PCDHGB2: variants seen among roughly 807,000 people sequenced by gnomAD.
The protein encoded by PCDHGB2 is protocadherin gamma subfamily B, 2.
Under a neutral mutation model 59.3 loss-of-function variants are expected in PCDHGB2, and 55 were observed. The ratio of observed to expected loss-of-function variants is 0.93; its 90% CI spans 0.75 to 1.16. PCDHGB2 has a LOEUF of 1.16. Ranked by LOEUF, PCDHGB2 falls within the 50% of genes most tolerant of loss-of-function variation. PCDHGB2 has a pLI of 0.00. For missense variants in PCDHGB2, 1,228 were observed against 1,198.5 expected (o/e 1.02, Z -0.36); for synonymous variants, 516 against 512.0 (o/e 1.01, Z -0.11).
chr5:141,370,990 C>T (rs763809323), intron 1 of PCDHGB2: 3 of 1,613,826 alleles, frequency 1.9e-6, no homozygotes, highest in Admixed American at 1.7e-5. Flanking sequence ...CTGAAAGCAC[C>T]CCTGGACAGG....
At chr5:141,383,028 CT>C (rs1561593940) in intron 1 of PCDHGB2, 2 of 1,613,814 alleles carry the variant, frequency 1.2e-6, no homozygotes, top group Non-Finnish European at 1.7e-6. Context: ...ACAAAGGGTC[CT>C]TTGTGGGAGA....
intron 1 of PCDHGB2, chr5:141,398,829 C>T (rs1020690994): frequency 3.1e-6 from 5 of 1,613,876 alleles, no homozygotes; most frequent in African/African-American, 2.7e-5. Context: ...AGGTAACCGA[C>T]GCCAATGATA....
chr5:141,394,915 CCT>C, intron 1 of PCDHGB2: 1 of 1,613,774 alleles, frequency 6.2e-7, no homozygotes, highest in South Asian at 1.1e-5. Flanking sequence ...GCTGCCATCT[CCT>C]GTGTCTTCCT....
At chr5:141,399,080 G>A (rs1385144710) in intron 1 of PCDHGB2, 2 of 1,613,696 alleles carry the variant, frequency 1.2e-6, no homozygotes, top group Non-Finnish European at 1.7e-6. Flanking sequence ...GTAGAAGGGA[G>A]GGATGGTGGT....
chr5:141,474,358 C>A (rs189724264), intron 1 of PCDHGB2, among the ~76,000 whole-genome samples: 30 of 152,290 alleles, frequency 2.0e-4, no homozygotes, highest in African/African-American at 6.5e-4. Context: ...AGTCATGTCT[C>A]AGTAGGTCTA....
intron 1 of PCDHGB2, chr5:141,383,374 G>A (rs911594122): frequency 6.2e-7 from 1 of 1,614,028 alleles, no homozygotes; most frequent in Non-Finnish European, 8.5e-7. Flanking sequence ...CGAGGCTGGG[G>A]ATCCAGATGT....
intron 1 of PCDHGB2, among the ~76,000 whole-genome samples, chr5:141,445,871 T>C (rs1318495005): frequency 6.6e-6 from 1 of 152,198 alleles, no homozygotes; most frequent in Non-Finnish European, 1.5e-5. Context: ...TTGTTCTAAA[T>C]ACCCTTGTAC....
chr5:141,509,645 G>C (rs138497208), intron 3 of PCDHGB2, among the ~76,000 whole-genome samples: 8 of 152,338 alleles, frequency 5.3e-5, no homozygotes, highest in African/African-American at 1.9e-4. Context: ...GCCAGGGCCA[G>C]AGTGTGGACT....
rs771313271 is a variant in PCDHGB2 at position 141,477,861 on chromosome 5, G to C, written c.2422-16946G>C. 1.2e-6 allele frequency: 2 copies of C among 1,612,714 alleles called. No individual in the cohort carries two copies. Among genetic ancestry groups the C allele is most frequent in the South Asian group, 1.1e-5 (1 of 90,968 alleles). On this transcript the variant is annotated intron_variant, in intron 1 of 3. Transcript: ENST00000522605. The surrounding 1 kb of genome is among the most constrained non-coding windows in gnomAD (Gnocchi z 4.9). ...GGGAGCTCGGTGGAGATGCTGCCTC[G>C]AGGTACCTCAGCTGGCCACCTAGTG...
At chr5:141,405,767 T>C (rs957910070) in intron 1 of PCDHGB2, among the ~76,000 whole-genome samples, 2 of 152,128 alleles carry the variant, frequency 1.3e-5, no homozygotes, top group African/African-American at 4.8e-5. Flanking sequence ...CGTGAGCCAC[T>C]GCGCCTGGCC....
rs1161697588 is a variant in PCDHGB2, at chr5:141,491,464, T to C, written c.2422-3343T>C. 7 of 1,613,982 alleles carry C rather than the reference T, an allele frequency of 4.3e-6. No homozygotes were observed. In the African/African-American group the frequency reaches 9.3e-5, roughly 22 times the overall value. On this transcript the variant is annotated intron_variant, in intron 1 of 3. Transcript: ENST00000522605. This position sits in a 1 kb window ranked among gnomAD's most constrained non-coding sequence, Gnocchi z 6.9. ...CCAGGACTCACCCTCCCCGGACTTCTATAAGCAGTCCAGCCCCAACCTGCA... is the reference window on the plus strand; with the variant it reads ...CCAGGACTCACCCTCCCCGGACTTCCATAAGCAGTCCAGCCCCAACCTGCA...
chr5:141,366,754 T>G (rs752520997), intron 1 of PCDHGB2: 1 of 1,607,154 alleles, frequency 6.2e-7, no homozygotes. Context: ...GAGTTCAGGT[T>G]AGTTTTCTCT....
chr5:141,388,254 G>A, intron 1 of PCDHGB2: 2 of 1,568,962 alleles, frequency 1.3e-6, no homozygotes, highest in South Asian at 1.1e-5. Context: ...TGTGGAGATC[G>A]AGGACATTAA....
At chr5:141,482,606 T>G (rs2099569173) in intron 1 of PCDHGB2, among the ~76,000 whole-genome samples, 1 of 146,712 alleles carries the variant, frequency 6.8e-6, no homozygotes, top group African/African-American at 2.6e-5. Context: ...AAAAAACACC[T>G]AAATGAGCCT....
chr5:141,482,546 A>C (rs1489817593), intron 1 of PCDHGB2, among the ~76,000 whole-genome samples: 1 of 151,868 alleles, frequency 6.6e-6, no homozygotes, highest in African/African-American at 2.4e-5. Context: ...AAAAAAAAAA[A>C]AAAGATAATG....
Position 141,419,013 on chromosome 5 carries a change from G to C in PCDHGB2, c.2421+56457G>C, listed in dbSNP as rs746229802. The C allele has an allele frequency of 6.9e-5, 111 of 1,613,840 alleles. No individual in the cohort carries two copies. In the East Asian group the frequency reaches 2.4e-3, roughly 35 times the overall value. ...GGGGAAAATGGGGAAGTCAGGTGTA[G>C]CTTAAGTAGAGGTGTTCCATTTAAG... is the stretch of plus-strand genomic sequence containing the variant. On this transcript the variant is annotated intron_variant, in intron 1 of 3. Transcript: ENST00000522605.
chr5:141,361,558 A>G lies in PCDHGB2; in HGVS notation c.1423A>G (p.Ser475Gly), dbSNP rs775084773. 1 of 1,614,012 alleles carries G rather than the reference A, an allele frequency of 6.2e-7. No individual in the cohort carries two copies. The highest frequency in any genetic ancestry group is 1.1e-5 in the South Asian group (1 of 91,082). The stretch of plus-strand genomic sequence containing the variant: ...TCCTGGCGCCTCTATCGCTCAAATC[A>G]GTGCCTCTGACCCTGACTTGGGCCC... ...NPPGASIAQI[S>G]ASDPDLGPSG... The change falls in exon 1 of 4, where the codon AGT (serine) becomes GGT (glycine). Residue 475 changes from serine to glycine, a missense_variant. Ser to Gly is a moderately conservative substitution (Grantham distance 56). Around this residue, in one of 3 missense-constraint regions of PCDHGB2, gnomAD observed 781 missense variants for 721.6 expected, o/e 1.08. Coordinates refer to ENST00000522605, the MANE Select transcript of PCDHGB2 (RefSeq NM_018923.3).
chr5:141,403,256 T>G, intron 1 of PCDHGB2: 3 of 1,613,854 alleles, frequency 1.9e-6, no homozygotes, highest in Non-Finnish European at 2.5e-6. Flanking sequence ...GAGCCCGCGG[T>G]GTCTGGTGAA....
intron 1 of PCDHGB2, chr5:141,484,946 C>T (rs2154580274): frequency 3.6e-6 from 2 of 561,448 alleles, no homozygotes; most frequent in Non-Finnish European, 6.4e-6. Flanking sequence ...CTCTGCTCAG[C>T]CTATTGGCTG....
Sources: gnomAD v4.1 joint callset for allele counts (sites outside exome capture counted in the v4.1 genomes callset) on GRCh38, gnomAD v4.1.1 for gene constraint, gnomAD v4.1.1 regional missense constraint, Gnocchi (gnomAD v3.1) non-coding constraint, MANE v1.5 for transcripts, NCBI Gene and HGNC (gene_info 2026-07-23, HGNC 2026-07-21) for gene names.